The following BCO2 variants were observed in gnomAD, a reference collection of about 807,000 sequenced individuals.
BCO2 encodes carotenoid-cleaving dioxygenase, mitochondrial.
In BCO2, 56 loss-of-function variants were observed where a neutral mutation model predicts 65.8. The observed-to-expected ratio is 0.85, with a 90% confidence interval of 0.69 to 1.06. The LOEUF (loss-of-function observed/expected upper bound fraction) is 1.06. Ranked by LOEUF, BCO2 falls within the 50% of genes least tolerant of loss-of-function variation. The probability of loss-of-function intolerance (pLI) is 0.00; values close to 1 mark genes in which losing one functional copy is unlikely to be tolerated. For synonymous variants in BCO2, 233 were observed against 242.3 expected (o/e 0.96, Z 0.36); for missense variants, 675 against 698.5 (o/e 0.97, Z 0.38).
intron 6 of BCO2, 45 bp from the exon 7 acceptor site, chr11:112,200,568 C>G (rs773242798): frequency 1.3e-6 from 2 of 1,553,938 alleles, no homozygotes; most frequent in African/African-American, 2.8e-5. Context: ...TCAGACAACT[C>G]TAGTTTGCCA....
rs189719342 is a variant in BCO2, at chr11:112,181,081, A to G, written c.293+1599A>G. ...TTGGAGGGCGGTACTTTACAACTAC[A>G]CGGAGCACTTTAGTGAATAAAGAAC... On this transcript the variant is annotated intron_variant, in intron 2 of 11. Coordinates refer to ENST00000357685, the MANE Select transcript of BCO2 (RefSeq NM_031938.7). 9.3e-6 allele frequency: 14 copies of G among 1,506,318 alleles called. No individual in the cohort carries two copies. In the African/African-American group the frequency reaches 1.9e-4, roughly 21 times the overall value. 93.3% of individuals were successfully genotyped at this position (1,506,318 alleles called of 1,614,324 possible). A position where few individuals can be genotyped will look rare whatever the true frequency, so the allele number is the denominator to read the frequency against.
intron 8 of BCO2, among the ~76,000 whole-genome samples, chr11:112,209,415 G>T (rs1247480164): frequency 6.6e-6 from 1 of 152,124 alleles, no homozygotes; most frequent in Non-Finnish European, 1.5e-5. Context: ...TGTGTCTTTT[G>T]TGGCTTGAGA....
At chr11:112,189,363 TAAAAATA>T (rs1867299623) in intron 2 of BCO2, among the ~76,000 whole-genome samples, 1 of 380 alleles carries the variant, frequency 2.6e-3, no homozygotes, top group Non-Finnish European at 6.3e-3. Context: ...TCTACAAAAA[TAAAAATA>T]AAAAAGAATT....
intron 2 of BCO2, chr11:112,183,303 A>G (rs1867108338): frequency 1.6e-6 from 1 of 637,836 alleles, no homozygotes. Flanking sequence ...GGAAATTTTA[A>G]AAAAACATTT....
chr11:112,188,857 A>G (rs1218472469), intron 2 of BCO2, among the ~76,000 whole-genome samples: 2 of 151,998 alleles, frequency 1.3e-5, no homozygotes, highest in African/African-American at 2.4e-5. Flanking sequence ...CCTGGCAGAT[A>G]GTAGGGACTC....
At chr11:112,179,621 AGAG>A (rs1312517722) in intron 2 of BCO2, 139 bp downstream of exon 2, 7 of 789,516 alleles carry the variant, frequency 8.9e-6, no homozygotes, top group Non-Finnish European at 1.4e-5. Flanking sequence ...ACTGTAGCCT[AGAG>A]GAGAAGAAAG....
At chr11:112,190,856 C>CAAAAAA (rs945768260) in intron 2 of BCO2, among the ~76,000 whole-genome samples, 5 of 62,108 alleles carry the variant, frequency 8.1e-5, no homozygotes, top group South Asian at 6.0e-4. Context: ...GACTCTGTCT[C>CAAAAAA]AAAAAAAAAA....
chr11:112,212,139 C>T (rs372415173), intron 8 of BCO2, among the ~76,000 whole-genome samples: 1 of 152,094 alleles, frequency 6.6e-6, no homozygotes, highest in African/African-American at 2.4e-5. Flanking sequence ...ATCATATAGA[C>T]TAGGTATATG....
chr11:112,203,800 A>G (rs1030570800), intron 8 of BCO2, among the ~76,000 whole-genome samples: 3 of 151,438 alleles, frequency 2.0e-5, no homozygotes, highest in African/African-American at 7.3e-5. Flanking sequence ...TTCTCTGTGT[A>G]TTTGAGATTT....
chr11:112,213,131 C>CTTTTATTTTTTTTTT (rs1859556505), intron 8 of BCO2, among the ~76,000 whole-genome samples: 1 of 63,064 alleles, frequency 1.6e-5, no homozygotes, highest in African/African-American at 7.5e-5. Context: ...AATTAAATAA[C>CTTTTATTTTTTTTTT]TTTTTTTTTT....
chr11:112,201,226 C>T (rs572645757), intron 7 of BCO2, among the ~76,000 whole-genome samples: 13 of 151,920 alleles, frequency 8.6e-5, no homozygotes, highest in Non-Finnish European at 1.3e-4. Context: ...CAGCTCACTG[C>T]AACCTCCACC....
chr11:112,202,464 G>A (rs1278858573), intron 8 of BCO2, among the ~76,000 whole-genome samples: 1 of 151,816 alleles, frequency 6.6e-6, no homozygotes, highest in Non-Finnish European at 1.5e-5. Context: ...TAATTTTTTT[G>A]TAGAGATGGG....
At position 112,216,277 on chromosome 11, in the gene BCO2, A is replaced by G. The variant is rs150855336; in HGVS notation, c.1573A>G (p.Thr525Ala). 5 of 1,614,220 alleles carry G rather than the reference A, an allele frequency of 3.1e-6. No individual in the cohort carries two copies. The highest frequency in any genetic ancestry group is 1.3e-5 in the African/African-American group (1 of 75,064). ...SEPVFVPAPG[T>A]NEEDGGVILS... Reference sequence around the variant, plus strand: ...ACCTGTTTTTGTTCCAGCACCAGGAACCAATGAAGAAGATGGTGGGGTTAT... The same window carrying G: ...ACCTGTTTTTGTTCCAGCACCAGGAGCCAATGAAGAAGATGGTGGGGTTAT... Residue 525 changes from threonine (T) to alanine (A), a missense_variant, in exon 11 of 12, where the codon ACC becomes GCC. Physicochemically the swap from Thr to Ala is moderately conservative, Grantham distance 58. Transcript: ENST00000357685.
intron 9 of BCO2, 79 bp from the exon 10 acceptor site, chr11:112,214,683 A>G (rs1859606249): frequency 2.5e-6 from 3 of 1,191,528 alleles, no homozygotes. Flanking sequence ...TTTATAGGGT[A>G]TGAGGCTCCT....
intron 8 of BCO2, among the ~76,000 whole-genome samples, 188 bp downstream of exon 8, chr11:112,202,378 G>A (rs1300235322): frequency 6.6e-6 from 1 of 151,850 alleles, no homozygotes; most frequent in Non-Finnish European, 1.5e-5. Flanking sequence ...TACCTCCCAG[G>A]TTCAAGAGAT....
chr11:112,202,900 A>AT (rs1867771736), intron 8 of BCO2, among the ~76,000 whole-genome samples: 1 of 152,020 alleles, frequency 6.6e-6, no homozygotes, highest in Non-Finnish European at 1.5e-5. Context: ...AAATGCAAAA[A>AT]TTAGCCAGAT....
At position 112,199,834 on chromosome 11, in the gene BCO2, C is replaced by T. The variant is rs756979462; in HGVS notation, c.865+7C>T. On this transcript the variant is annotated splice_region_variant and intron_variant, in intron 6 of 11. Coordinates refer to ENST00000357685, the MANE Select transcript of BCO2 (RefSeq NM_031938.7). ...TCTTACTACCATAGCTTTGGTGAGT[C>T]CAGAGATAAGGCAAATTTCAGTGGG... 2 of 1,613,282 alleles carry T rather than the reference C, an allele frequency of 1.2e-6. No homozygotes were observed. The highest frequency in any genetic ancestry group is 1.7e-5 in the Admixed American group (1 of 59,854).
chr11:112,189,693 C>T (rs1022567710), intron 2 of BCO2, among the ~76,000 whole-genome samples: 2 of 152,082 alleles, frequency 1.3e-5, no homozygotes, highest in African/African-American at 4.8e-5. Flanking sequence ...TAAGCCACAG[C>T]ACCTGGCCTC....
intron 8 of BCO2, among the ~76,000 whole-genome samples, chr11:112,206,396 C>T (rs926376652): frequency 2.0e-5 from 3 of 152,342 alleles, no homozygotes; most frequent in Non-Finnish European, 4.4e-5. Flanking sequence ...CCAGACGGGG[C>T]GGCGGCCGGC....
Sources: gnomAD v4.1 joint callset for allele counts (sites outside exome capture counted in the v4.1 genomes callset) on GRCh38, gnomAD v4.1.1 for gene constraint, MANE v1.5 for transcripts, NCBI Gene and HGNC (gene_info 2026-07-23, HGNC 2026-07-21) for gene names.